The following SLC43A2 variants were observed in gnomAD, a reference collection of about 807,000 sequenced individuals.
SLC43A2 encodes the protein solute carrier family 43 member 2, also known as large neutral amino acids transporter small subunit 4.
Under a neutral mutation model 63.2 loss-of-function variants are expected in SLC43A2, and 38 were observed. That is an observed-to-expected ratio of 0.60 (90% CI 0.46 to 0.79). The LOEUF (loss-of-function observed/expected upper bound fraction) is 0.79. SLC43A2 is among the 30% of genes least tolerant of loss of function. The probability of loss-of-function intolerance (pLI) is 0.00; values close to 1 mark genes in which losing one functional copy is unlikely to be tolerated. For synonymous variants in SLC43A2, 322 were observed against 331.0 expected (o/e 0.97, Z 0.30); for missense variants, 644 against 756.2 (o/e 0.85, Z 1.74).
At chr17:1,579,592 C>T (rs1048189526) in intron 11 of SLC43A2, among the ~76,000 whole-genome samples, 2 of 152,122 alleles carry the variant, frequency 1.3e-5, no homozygotes, top group African/African-American at 4.8e-5. Context: ...GTAATCCCCA[C>T]ACTCTGGGAG....
rs937899382 is a variant in SLC43A2 at position 1,575,311 on chromosome 17, G to A, written c.*293C>T. 5.2e-5 allele frequency: 26 copies of A among 498,224 alleles called. No individual in the cohort carries two copies. The highest frequency in any genetic ancestry group is 5.5e-4 in the Middle Eastern group (1 of 1,834). The allele number at this position is 498,224 out of a possible 1,614,324, so 30.9% of individuals were successfully genotyped here. ...ACTGGCGGGAGAGCGCCTGCCTGCC[G>A]GGCGTTCCTGGCTCCTGCTGCAGGC... On this transcript the variant is annotated 3_prime_UTR_variant, in exon 14 of 14. Coordinates refer to ENST00000301335, the MANE Select transcript of SLC43A2 (RefSeq NM_152346.3).
In SLC43A2 at chr17:1,577,496, C is replaced by T. The variant is rs2075952294; in HGVS notation, c.1424+754G>A. ...AGGGGCAGGCGGAGGGCAAGCGGAGCTGGGATTACCCCAGGGGCTGTTGCG... is the reference window on the plus strand; with the variant it reads ...AGGGGCAGGCGGAGGGCAAGCGGAGTTGGGATTACCCCAGGGGCTGTTGCG... On this transcript the variant is annotated intron_variant, in intron 12 of 13. Transcript: ENST00000301335. This position sits in a 1 kb window ranked among gnomAD's most constrained non-coding sequence, Gnocchi z 4.9. 6.6e-6 allele frequency among the ~76,000 whole-genome samples: 1 copy of T among 152,194 alleles called. No individual in the cohort carries two copies. The highest frequency in any genetic ancestry group is 1.5e-5 in the Non-Finnish European group (1 of 68,030).
rs993906860 is a variant in SLC43A2, at chr17:1,569,753, C to G, written c.*5851G>C. On this transcript the variant is annotated 3_prime_UTR_variant, in exon 14 of 14. Transcript: ENST00000301335. ...TCCACCAGTGATTGATTATCTCGAG[C>G]AGCTATTTGGCCAAGTCTTACCAAA... The G allele has an allele frequency of 2.0e-5, 3 of 152,284 alleles. No individual in the cohort carries two copies. The highest frequency in any genetic ancestry group is 1.3e-4 in the Admixed American group (2 of 15,268). 9.4% of individuals were successfully genotyped at this position (152,284 alleles called of 1,614,324 possible).
At chr17:1,615,708 T>C (rs902533626) in intron 3 of SLC43A2, among the ~76,000 whole-genome samples, 4 of 148,492 alleles carry the variant, frequency 2.7e-5, no homozygotes, top group Non-Finnish European at 4.5e-5. Context: ...CCGGGCGTGG[T>C]GGCAGGCGCC....
chr17:1,616,615 G>A lies in SLC43A2; in HGVS notation c.315C>T (p.Pro105=). The stretch of plus-strand genomic sequence containing the variant: ...CATACTTGTCCATGACGATACCCAG[G>A]GGCAGGGTGATGGCACTGAGCAGAA... The part of the protein sequence containing the change: ...GSFLLSAITL[P]LGIVMDKYGP... The change falls in exon 3 of 14, where the codon CCC becomes CCT. Residue 105 remains proline, a synonymous_variant. Coordinates refer to ENST00000301335, the MANE Select transcript of SLC43A2 (RefSeq NM_152346.3). 1 of 1,614,110 alleles carries A rather than the reference G, an allele frequency of 6.2e-7. No individual in the cohort carries two copies. Among genetic ancestry groups the A allele is most frequent in the Non-Finnish European group, 8.5e-7 (1 of 1,179,994 alleles).
rs1475130867 is a variant in SLC43A2, at chr17:1,574,548, G to T, written c.*1056C>A. On this transcript the variant is annotated 3_prime_UTR_variant, in exon 14 of 14. Transcript: ENST00000301335. ...ACACTTCTGGGGGCAGTCAAGGTGGGCGGGTTGGTGGGCCAGGCGGACGGG... is the reference window on the plus strand; with the variant it reads ...ACACTTCTGGGGGCAGTCAAGGTGGTCGGGTTGGTGGGCCAGGCGGACGGG... 1 of 152,620 alleles carries T rather than the reference G, an allele frequency of 6.6e-6. No homozygotes were observed. Among genetic ancestry groups the T allele is most frequent in the Non-Finnish European group, 1.5e-5 (1 of 68,060 alleles). 9.5% of individuals were successfully genotyped at this position (152,620 alleles called of 1,614,324 possible).
intron 4 of SLC43A2, among the ~76,000 whole-genome samples, chr17:1,614,219 G>A (rs187636412): frequency 1.3e-5 from 2 of 152,138 alleles, no homozygotes; most frequent in East Asian, 3.9e-4. Context: ...CTCCAGCCCG[G>A]GCGACAGAGG....
chr17:1,629,239 G>A (rs1908974613), upstream of SLC43A2, among the ~76,000 whole-genome samples: 1 of 151,918 alleles, frequency 6.6e-6, no homozygotes, highest in South Asian at 2.1e-4. Flanking sequence ...CCGCCCCGCC[G>A]TCCCCAGCTG....
At chr17:1,592,954 C>T (rs7213088) in intron 6 of SLC43A2, among the ~76,000 whole-genome samples, 147 of 152,258 alleles carry the variant, frequency 9.7e-4, no homozygotes, top group African/African-American at 3.0e-3. Flanking sequence ...GCCCCAGCCC[C>T]GAAATGCAAA....
In SLC43A2 at chr17:1,605,341, T is replaced by C. The variant is rs1906502315; in HGVS notation, c.501+7854A>G. 3 of 597,440 alleles carry C rather than the reference T, an allele frequency of 5.0e-6. No individual in the cohort carries two copies. The South Asian group carries it at 1.6e-4, about 33-fold the overall frequency. The allele number at this position is 597,440 out of a possible 1,614,324, so 37.0% of individuals were successfully genotyped here. Reference sequence around the variant, plus strand: ...GGCCCCTCCCCTGGCATTCTGGCCATAGAGCATGACCACCGGACAGGAGTG... The same window carrying C: ...GGCCCCTCCCCTGGCATTCTGGCCACAGAGCATGACCACCGGACAGGAGTG... On this transcript the variant is annotated intron_variant, in intron 5 of 13. Transcript: ENST00000301335. The surrounding 1 kb of genome is among the most constrained non-coding windows in gnomAD (Gnocchi z 4.9).
chr17:1,593,281 TGA>T lies in SLC43A2; in HGVS notation c.502-4_502-3del, dbSNP rs1315151359. On this transcript the variant is annotated splice_polypyrimidine_tract_variant and splice_region_variant and intron_variant, in intron 5 of 13. Coordinates refer to ENST00000301335, the MANE Select transcript of SLC43A2 (RefSeq NM_152346.3). This position sits in a 1 kb window ranked among gnomAD's most constrained non-coding sequence, Gnocchi z 5.3. ...AAGGTCGCCGAACATGTTGGGCAGC[TGA>T]GAGATAAGAAGCAGAGAAACCTCAG... 1.2e-6 allele frequency: 2 copies of T among 1,613,326 alleles called. No homozygotes were observed. The highest frequency in any genetic ancestry group is 1.1e-5 in the South Asian group (1 of 90,870).
intron 11 of SLC43A2, among the ~76,000 whole-genome samples, chr17:1,580,166 C>T (rs775549781): frequency 3.3e-5 from 5 of 152,222 alleles, no homozygotes; most frequent in Non-Finnish European, 7.3e-5. Context: ...GATCCACCCG[C>T]GTTGGCCTCC....
chr17:1,597,207 C>T (rs1478444281), intron 5 of SLC43A2, among the ~76,000 whole-genome samples: 7 of 146,404 alleles, frequency 4.8e-5, no homozygotes, highest in Admixed American at 6.8e-5. Context: ...AGCAAGACTA[C>T]GTTTTAAAAA....
rs1339202534 is a variant in SLC43A2, at chr17:1,578,112, ACCTGTCC to A, written c.1424+131_1424+137del. 2.5e-6 allele frequency: 2 copies of A among 795,086 alleles called. No homozygotes were observed. The allele number at this position is 795,086 out of a possible 1,614,324, so 49.3% of individuals were successfully genotyped here. A position where few individuals can be genotyped will look rare whatever the true frequency, so the allele number is the denominator to read the frequency against. On this transcript the variant is annotated intron_variant, in intron 12 of 13. Coordinates refer to ENST00000301335, the MANE Select transcript of SLC43A2 (RefSeq NM_152346.3). This position sits in a 1 kb window ranked among gnomAD's most constrained non-coding sequence, Gnocchi z 6.5. ...TGAAACACCCAGCAGAAACCCTGGT[ACCTGTCC>A]CCTGAAGCAGGAAGATGAGCCCTTC...
At chr17:1,629,855 C>G (rs962213778), upstream of SLC43A2, among the ~76,000 whole-genome samples, 3 of 152,216 alleles carry the variant, frequency 2.0e-5, no homozygotes, top group Non-Finnish European at 4.4e-5. Context: ...CGTCTTCGTC[C>G]CCCGGATTCG....
Position 1,583,988 on chromosome 17 carries a change from T to A in SLC43A2, c.1218-652A>T, listed in dbSNP as rs1315027499. Among the ~76,000 whole-genome samples, 2 of 150,802 alleles carry A rather than the reference T, an allele frequency of 1.3e-5. No individual in the cohort carries two copies. On this transcript the variant is annotated intron_variant, in intron 10 of 13. Coordinates refer to ENST00000301335, the MANE Select transcript of SLC43A2 (RefSeq NM_152346.3). This position sits in a 1 kb window ranked among gnomAD's most constrained non-coding sequence, Gnocchi z 5.5. ...TCGGCTCATTGCCACCTCTGCCTCCTGGGTTCAAGCGATTCTCCTGCCTCA... is the reference window on the plus strand; with the variant it reads ...TCGGCTCATTGCCACCTCTGCCTCCAGGGTTCAAGCGATTCTCCTGCCTCA...
intron 5 of SLC43A2, among the ~76,000 whole-genome samples, chr17:1,611,956 T>C (rs980997190): frequency 6.6e-6 from 1 of 152,048 alleles, no homozygotes; most frequent in African/African-American, 2.4e-5. Flanking sequence ...GGTTCCTCTT[T>C]TGACTTTCTT....
intron 5 of SLC43A2, chr17:1,604,941 G>A: frequency 6.6e-7 from 1 of 1,515,794 alleles, no homozygotes; most frequent in South Asian, 1.2e-5. Context: ...CGCGGTGCCG[G>A]AGTGAGGGCT....
intron 6 of SLC43A2, 36 bp from the exon 7 acceptor site, chr17:1,591,735 G>GTGGGGGGGA: frequency 1.5e-6 from 1 of 652,928 alleles, no homozygotes; most frequent in Non-Finnish European, 2.5e-6. Context: ...GGGGGGGGGA[G>GTGGGGGGGA]GGGGCAGAGT....
Sources: allele counts gnomAD v4.1 joint callset (sites outside exome capture counted in the v4.1 genomes callset), GRCh38; gene constraint gnomAD v4.1.1; non-coding constraint Gnocchi (gnomAD v3.1); transcripts MANE v1.5; gene names NCBI Gene and HGNC (gene_info 2026-07-23, HGNC 2026-07-21).